ZNF804A: variants seen among roughly 807,000 people sequenced by gnomAD.
The protein encoded by ZNF804A is zinc finger protein 804A.
A neutral mutation model predicts 16.5 loss-of-function variants in ZNF804A; 2 were observed. The observed-to-expected ratio is 0.12, with a 90% confidence interval of 0.05 to 0.38. The LOEUF is 0.38. Among genes scored for constraint, ZNF804A ranks in the 10% least tolerant of loss-of-function variants. ZNF804A has a pLI of 0.99. For synonymous variants in ZNF804A, 534 were observed against 489.6 expected, an observed-to-expected ratio of 1.09 and a Z score of -1.20; for missense variants, 1,473 against 1,390.7, an observed-to-expected ratio of 1.06 and a Z score of -0.94.
intron 1 of ZNF804A, among the ~76,000 whole-genome samples, chr2:184,829,454 G>A (rs932173753): frequency 1.3e-5 from 2 of 151,698 alleles, no homozygotes; most frequent in Admixed American, 6.6e-5. Flanking sequence ...TATTCTTCAA[G>A]CAATGTATTC....
intron 1 of ZNF804A, among the ~76,000 whole-genome samples, chr2:184,857,778 A>G (rs538887631): frequency 6.6e-6 from 1 of 152,148 alleles, no homozygotes; most frequent in South Asian, 2.1e-4. Flanking sequence ...AAGTATAGCT[A>G]CTTATTTTGG....
chr2:184,675,693 C>T (rs546027593), intron 1 of ZNF804A, among the ~76,000 whole-genome samples: 9 of 151,740 alleles, frequency 5.9e-5, no homozygotes, highest in African/African-American at 1.2e-4. Flanking sequence ...AAGTGAGGCA[C>T]GGAGATATTT....
chr2:184,625,573 A>G (rs1014266282), intron 1 of ZNF804A, among the ~76,000 whole-genome samples: 10 of 152,274 alleles, frequency 6.6e-5, no homozygotes, highest in Admixed American at 2.0e-4. Flanking sequence ...GGAGAAATAA[A>G]TAAGTAGATA....
intron 1 of ZNF804A, among the ~76,000 whole-genome samples, chr2:184,700,033 A>C (rs1310805025): frequency 2.0e-5 from 3 of 152,026 alleles, no homozygotes; most frequent in Admixed American, 1.3e-4. Flanking sequence ...TTATACCACT[A>C]ATGTGTTTAA....
At chr2:184,617,332 A>G (rs926655036) in intron 1 of ZNF804A, among the ~76,000 whole-genome samples, 4 of 152,090 alleles carry the variant, frequency 2.6e-5, no homozygotes, top group African/African-American at 7.2e-5. Context: ...TAATGCATTC[A>G]TAGTATTCAA....
intron 1 of ZNF804A, among the ~76,000 whole-genome samples, chr2:184,821,670 A>C (rs1346796967): frequency 6.6e-6 from 1 of 152,218 alleles, no homozygotes; most frequent in Non-Finnish European, 1.5e-5. Flanking sequence ...CCATCTGATA[A>C]AAGTCTAGTA....
chr2:184,717,045 C>G (rs1486129301), intron 1 of ZNF804A, among the ~76,000 whole-genome samples: 1 of 152,050 alleles, frequency 6.6e-6, no homozygotes, highest in Admixed American at 6.6e-5. Context: ...ACACCAAGCA[C>G]TACAGGCATC....
intron 1 of ZNF804A, among the ~76,000 whole-genome samples, chr2:184,693,834 TA>T (rs1250765715): frequency 6.7e-6 from 1 of 148,908 alleles, no homozygotes; most frequent in Non-Finnish European, 1.5e-5. Flanking sequence ...AACATCAGCA[TA>T]AAAATAGCCA....
intron 1 of ZNF804A, among the ~76,000 whole-genome samples, chr2:184,782,282 G>A (rs1256015326): frequency 1.3e-5 from 2 of 151,550 alleles, no homozygotes; most frequent in African/African-American, 4.8e-5. Flanking sequence ...TTGGATTGAA[G>A]GGTGCAAAGT....
chr2:184,787,760 T>C (rs1694471154), intron 1 of ZNF804A, among the ~76,000 whole-genome samples: 1 of 152,000 alleles, frequency 6.6e-6, no homozygotes, highest in Admixed American at 6.6e-5. Context: ...TTGACCTTTA[T>C]TGGAGACATA....
At chr2:184,770,337 CTTAAATT>C (rs1694190996) in intron 1 of ZNF804A, among the ~76,000 whole-genome samples, 1 of 151,708 alleles carries the variant, frequency 6.6e-6, no homozygotes, top group South Asian at 2.1e-4. Flanking sequence ...AATTGTTTTT[CTTAAATT>C]TTAAATTTTG....
intron 1 of ZNF804A, among the ~76,000 whole-genome samples, chr2:184,792,402 G>T (rs142698168): frequency 6.6e-6 from 1 of 152,056 alleles, no homozygotes; most frequent in Non-Finnish European, 1.5e-5. Flanking sequence ...CTGTAATTCC[G>T]TAAAGACATA....
chr2:184,812,668 T>C (rs1694920524), intron 1 of ZNF804A, among the ~76,000 whole-genome samples: 2 of 151,722 alleles, frequency 1.3e-5, no homozygotes, highest in South Asian at 4.2e-4. Flanking sequence ...TGCTGGGAGG[T>C]GGGTAGCTGT....
At chr2:184,799,127 A>T (rs1281630885) in intron 1 of ZNF804A, among the ~76,000 whole-genome samples, 1 of 152,044 alleles carries the variant, frequency 6.6e-6, no homozygotes, top group African/African-American at 2.4e-5. Flanking sequence ...TGTGTCTCCC[A>T]GGTCCTGGAG....
chr2:184,849,777 G>C (rs918388258), intron 1 of ZNF804A, among the ~76,000 whole-genome samples: 1 of 151,968 alleles, frequency 6.6e-6, no homozygotes, highest in African/African-American at 2.4e-5. Flanking sequence ...TATGCTTATT[G>C]CATCACTATT....
At chr2:184,755,645 G>A (rs1693948923) in intron 1 of ZNF804A, among the ~76,000 whole-genome samples, 1 of 151,928 alleles carries the variant, frequency 6.6e-6, no homozygotes, top group Admixed American at 6.6e-5. Context: ...TTGACAGAGA[G>A]TAACAGATTT....
intron 1 of ZNF804A, among the ~76,000 whole-genome samples, chr2:184,765,482 T>G (rs964869901): frequency 3.9e-5 from 6 of 152,120 alleles, no homozygotes; most frequent in African/African-American, 4.8e-5. Context: ...TTACAGACAT[T>G]GTGTAGAAAT....
chr2:184,614,134 A>G (rs1012805991), intron 1 of ZNF804A, among the ~76,000 whole-genome samples: 7 of 152,162 alleles, frequency 4.6e-5, no homozygotes, highest in African/African-American at 1.4e-4. Context: ...AACACCACAC[A>G]TCTACAACCA....
At chr2:184,841,157 C>T (rs545824067) in intron 1 of ZNF804A, among the ~76,000 whole-genome samples, 7 of 152,202 alleles carry the variant, frequency 4.6e-5, no homozygotes, top group Admixed American at 3.9e-4. Context: ...CTTCTTTATA[C>T]AAGCCCTAGA....
Sources: allele counts gnomAD v4.1 joint callset (sites outside exome capture counted in the v4.1 genomes callset), GRCh38; gene constraint gnomAD v4.1.1; transcripts MANE v1.5; gene names NCBI Gene and HGNC (gene_info 2026-07-23, HGNC 2026-07-21).